Variants in RBPMS observed in about 807,000 individuals in gnomAD.
RBPMS encodes the protein RNA-binding protein with multiple splicing.
Under a neutral mutation model 26.8 loss-of-function variants are expected in RBPMS, and 7 were observed. The ratio of observed to expected loss-of-function variants is 0.26; its 90% CI spans 0.15 to 0.49. The LOEUF is 0.49. Ranked by LOEUF, RBPMS falls within the 20% of genes least tolerant of loss-of-function variation. The probability of loss-of-function intolerance (pLI) is 0.98; values close to 1 mark genes in which losing one functional copy is unlikely to be tolerated. For synonymous variants in RBPMS, 96 were observed against 93.3 expected (o/e 1.03, Z -0.17); for missense variants, 186 against 250.0 (o/e 0.74, Z 1.73).
At chr8:30,468,446 A>G (rs981365370) in intron 1 of RBPMS, among the ~76,000 whole-genome samples, 1 of 151,744 alleles carries the variant, frequency 6.6e-6, no homozygotes, top group Non-Finnish European at 1.5e-5. Flanking sequence ...TATAATACTA[A>G]TCTCTCCTGA....
intron 5 of RBPMS, among the ~76,000 whole-genome samples, chr8:30,522,715 TTAAC>T (rs1258810739): frequency 6.6e-6 from 1 of 152,228 alleles, no homozygotes; most frequent in South Asian, 2.1e-4. Context: ...GTTGTAGACA[TTAAC>T]TATGTATAGC....
At chr8:30,531,017 T>C (rs1330531423) in intron 5 of RBPMS, among the ~76,000 whole-genome samples, 1 of 152,100 alleles carries the variant, frequency 6.6e-6, no homozygotes, top group Non-Finnish European at 1.5e-5. Context: ...TTTATGCAAC[T>C]TTTTCCATCT....
intron 1 of RBPMS, among the ~76,000 whole-genome samples, chr8:30,462,915 G>A (rs971916906): frequency 2.0e-5 from 3 of 152,098 alleles, no homozygotes; most frequent in Admixed American, 6.6e-5. Context: ...GGTAGACAGA[G>A]TGATGGTAAT....
intron 4 of RBPMS, among the ~76,000 whole-genome samples, chr8:30,497,222 CCTTTT>C (rs1480953752): frequency 6.6e-6 from 1 of 152,168 alleles, no homozygotes; most frequent in Non-Finnish European, 1.5e-5. Context: ...CAGGATATTT[CCTTTT>C]CTTGTGACCA....
chr8:30,540,103 C>T (rs1247981935), intron 5 of RBPMS, among the ~76,000 whole-genome samples: 2 of 152,128 alleles, frequency 1.3e-5, no homozygotes, highest in East Asian at 3.9e-4. Flanking sequence ...CCCTCCCTGC[C>T]CCCAGAAGAG....
chr8:30,506,323 C>T (rs1451098983), intron 5 of RBPMS, among the ~76,000 whole-genome samples: 1 of 107,288 alleles, frequency 9.3e-6, no homozygotes, highest in South Asian at 2.9e-4. Flanking sequence ...CACAGCAACA[C>T]AAATTTGAAG....
intron 4 of RBPMS, among the ~76,000 whole-genome samples, chr8:30,487,426 T>C (rs1003030960): frequency 6.6e-6 from 1 of 152,218 alleles, no homozygotes; most frequent in Non-Finnish European, 1.5e-5. Flanking sequence ...GGGAGTCGGG[T>C]AGGACTTAAC....
intron 1 of RBPMS, among the ~76,000 whole-genome samples, chr8:30,413,302 C>G (rs1176532693): frequency 1.3e-5 from 2 of 152,102 alleles, no homozygotes; most frequent in Admixed American, 6.5e-5. Flanking sequence ...AACTCCTGGC[C>G]TCAAGCAATC....
At chr8:30,553,004 T>C (rs6993983) in intron 6 of RBPMS, 30,446 of 152,302 alleles carry the variant, frequency 0.2, 3,284 homozygotes, top group Middle Eastern at 0.32. Flanking sequence ...GCTAGGACTT[T>C]CTTGCTCACC....
intron 1 of RBPMS, among the ~76,000 whole-genome samples, chr8:30,432,494 T>A (rs1018681940): frequency 2.0e-5 from 3 of 152,252 alleles, no homozygotes; most frequent in African/African-American, 7.2e-5. Flanking sequence ...ACTTAAATCC[T>A]CCTTGGAAGG....
At chr8:30,487,781 A>G (rs867922429) in intron 4 of RBPMS, among the ~76,000 whole-genome samples, 45 of 152,138 alleles carry the variant, frequency 3.0e-4, no homozygotes, top group African/African-American at 9.2e-4. Context: ...AAGATAATAA[A>G]ATCTGTTAAA....
chr8:30,480,509 T>C (rs1210619901), intron 4 of RBPMS, among the ~76,000 whole-genome samples: 1 of 152,228 alleles, frequency 6.6e-6, no homozygotes, highest in African/African-American at 2.4e-5. Context: ...CCTTAATTCT[T>C]GTTGGTTTTT....
intron 7 of RBPMS, among the ~76,000 whole-genome samples, chr8:30,559,676 AGAGTT>A (rs564941688): frequency 2.6e-5 from 4 of 152,208 alleles, no homozygotes; most frequent in Admixed American, 6.5e-5. Context: ...GAGTCTACTT[AGAGTT>A]AAGTTTTTAG....
chr8:30,518,065 A>G (rs1307668843), intron 5 of RBPMS, among the ~76,000 whole-genome samples: 2 of 152,182 alleles, frequency 1.3e-5, no homozygotes, highest in South Asian at 2.1e-4. Flanking sequence ...ATAGGAGGAA[A>G]CTTTTCAGGA....
chr8:30,513,461 C>T (rs985523416), intron 5 of RBPMS, among the ~76,000 whole-genome samples: 2 of 151,450 alleles, frequency 1.3e-5, no homozygotes, highest in Admixed American at 6.6e-5. Flanking sequence ...TGGTGGCAGG[C>T]GCCTGTGGTC....
chr8:30,520,233 A>G (rs1822883457), intron 5 of RBPMS, among the ~76,000 whole-genome samples: 1 of 152,204 alleles, frequency 6.6e-6, no homozygotes, highest in African/African-American at 2.4e-5. Flanking sequence ...AGGTCATCCA[A>G]AAAAGCAGGA....
intron 5 of RBPMS, among the ~76,000 whole-genome samples, chr8:30,535,980 G>A (rs1824747303): frequency 6.6e-6 from 1 of 152,134 alleles, no homozygotes; most frequent in Non-Finnish European, 1.5e-5. Context: ...GTGAGACCTT[G>A]TCTCTAAAAT....
At chr8:30,498,862 T>A (rs1820257125) in intron 4 of RBPMS, among the ~76,000 whole-genome samples, 1 of 151,874 alleles carries the variant, frequency 6.6e-6, no homozygotes, top group Non-Finnish European at 1.5e-5. Flanking sequence ...CATCTAAATA[T>A]ATTTTAAATA....
intron 1 of RBPMS, among the ~76,000 whole-genome samples, chr8:30,423,414 C>CGGAGG (rs1811013950): frequency 6.6e-6 from 1 of 152,242 alleles, no homozygotes; most frequent in Non-Finnish European, 1.5e-5. Flanking sequence ...CTAGCTACCT[C>CGGAGG]GGAGGGGACA....
Sources: allele counts gnomAD v4.1 joint callset (sites outside exome capture counted in the v4.1 genomes callset), GRCh38; gene constraint gnomAD v4.1.1; transcripts MANE v1.5; gene names NCBI Gene and HGNC (gene_info 2026-07-23, HGNC 2026-07-21).